Variants in FARP1 observed in about 807,000 individuals in gnomAD.
FARP1 encodes the protein FERM, ARHGEF and pleckstrin domain-containing protein 1.
A neutral mutation model predicts 128.8 loss-of-function variants in FARP1; 52 were observed. The ratio of observed to expected loss-of-function variants is 0.40; its 90% CI spans 0.32 to 0.51. The LOEUF (loss-of-function observed/expected upper bound fraction) is 0.51. Ranked by LOEUF, FARP1 falls within the 20% of genes least tolerant of loss-of-function variation. The probability of loss-of-function intolerance (pLI) is 0.45; values close to 1 mark genes in which losing one functional copy is unlikely to be tolerated. For synonymous variants in FARP1, 580 were observed against 551.8 expected, an observed-to-expected ratio of 1.05 and a Z score of -0.72; for missense variants, 1,333 against 1,367.9, an observed-to-expected ratio of 0.97 and a Z score of 0.40.
At chr13:98,164,852 G>A (rs760827450) in intron 1 of FARP1, among the ~76,000 whole-genome samples, 14 of 152,128 alleles carry the variant, frequency 9.2e-5, no homozygotes, top group Non-Finnish European at 1.8e-4. Flanking sequence ...GGCCGAGGCG[G>A]GTGGATCACT....
chr13:98,396,221 C>G lies in FARP1; in HGVS notation c.1414+745C>G, dbSNP rs183321940. On this transcript the variant is annotated intron_variant, in intron 13 of 26. Coordinates refer to ENST00000319562, the MANE Select transcript of FARP1 (RefSeq NM_005766.4). Reference sequence around the variant, plus strand: ...GGCACACCCCCCATGGGTGCAGCCTCTAAGGTCCCTGCTGTGCAGTCGGTG... The same window carrying G: ...GGCACACCCCCCATGGGTGCAGCCTGTAAGGTCCCTGCTGTGCAGTCGGTG... The G allele has an allele frequency of 3.9e-3, 1,540 of 399,142 alleles. 8 individuals are homozygous for G. Among genetic ancestry groups the G allele is most frequent in the Non-Finnish European group, 5.2e-3 (1,174 of 226,122 alleles). 24.7% of individuals were successfully genotyped at this position (399,142 alleles called of 1,614,324 possible). A position where few individuals can be genotyped will look rare whatever the true frequency, so the allele number is the denominator to read the frequency against.
In FARP1 at chr13:98,385,784, C is replaced by T. The variant is rs770432717; in HGVS notation, c.729C>T (p.Ala243=). The T allele has an allele frequency of 1.1e-5, 18 of 1,614,022 alleles. No individual in the cohort carries two copies. The highest frequency in any genetic ancestry group is 4.0e-5 in the African/African-American group (3 of 74,932). ...GGGAAGGCACGAAGATCAATCTGGC[C>T]GTTGCCAACACGGGAATTCTAGTGT... ...KDREGTKINL[A]VANTGILVFQ... is the part of the protein sequence containing the mutation. Residue 243 remains alanine (A), a synonymous_variant, in exon 8 of 27, where the codon GCC becomes GCT. Transcript: ENST00000319562.
rs539416996 is a variant in FARP1 at position 98,269,792 on chromosome 13, T to C, written c.171+56379T>C. Among the ~76,000 whole-genome samples the C allele has an allele frequency of 1.4e-4, 21 of 152,314 alleles. 1 individual carries two copies. In the South Asian group the frequency reaches 4.1e-3, roughly 30 times the overall value. The stretch of plus-strand genomic sequence containing the variant: ...GTGTCAGCGAAGATGTTGGTTCAGG[T>C]AAGAATAAAATTCAGTTGTTATTTA... On this transcript the variant is annotated intron_variant, in intron 2 of 26. Coordinates refer to ENST00000319562, the MANE Select transcript of FARP1 (RefSeq NM_005766.4).
chr13:98,401,375 TTAATA>T (rs1410180967), intron 13 of FARP1: 6 of 70,622 alleles, frequency 8.5e-5, no homozygotes, highest in African/African-American at 1.5e-4. Flanking sequence ...AGCGTGACAC[TTAATA>T]TAACAGTTTT....
chr13:98,217,329 G>T (rs1231181610), intron 2 of FARP1, among the ~76,000 whole-genome samples: 1 of 152,176 alleles, frequency 6.6e-6, no homozygotes, highest in Admixed American at 6.5e-5. Flanking sequence ...GACACCTAGT[G>T]CCTGTCGAAG....
chr13:98,197,780 A>G lies in FARP1; in HGVS notation c.-23-15440A>G, dbSNP rs554087721. Among the ~76,000 whole-genome samples the G allele has an allele frequency of 2.0e-5, 3 of 151,662 alleles. No individual in the cohort carries two copies. In the South Asian group the frequency reaches 6.3e-4, roughly 32 times the overall value. On this transcript the variant is annotated intron_variant, in intron 1 of 26. Coordinates refer to ENST00000319562, the MANE Select transcript of FARP1 (RefSeq NM_005766.4). ...CTCCCGAGTAGCTGGGTCTACAGGC[A>G]CCCGCCACCACGCCCGGCTAATTTT...
chr13:98,177,139 A>AGGCCTGCAGCCCCTTTCCGT, intron 1 of FARP1: 1 of 1,605,942 alleles, frequency 6.2e-7, no homozygotes, highest in Non-Finnish European at 8.5e-7. Flanking sequence ...GCGCTTTCTG[A>AGGCCTGCAGCCCCTTTCCGT]GGCCTGCAGC....
At chr13:98,437,007 G>A (rs535791793) in intron 19 of FARP1, among the ~76,000 whole-genome samples, 1 of 152,300 alleles carries the variant, frequency 6.6e-6, no homozygotes, top group African/African-American at 2.4e-5. Context: ...TACCAGTGCC[G>A]GGGTGGCGGG....
At chr13:98,430,288 A>G (rs1163391713) in intron 17 of FARP1, among the ~76,000 whole-genome samples, 5 of 152,322 alleles carry the variant, frequency 3.3e-5, no homozygotes, top group African/African-American at 1.2e-4. Flanking sequence ...TTACCAGCAC[A>G]TAGAGAGCAA....
At chr13:98,365,687 G>A (rs1218007649) in intron 4 of FARP1, among the ~76,000 whole-genome samples, 1 of 152,176 alleles carries the variant, frequency 6.6e-6, no homozygotes, top group Non-Finnish European at 1.5e-5. Flanking sequence ...ACTGAAGCCT[G>A]CTATTATCTT....
At chr13:98,372,084 T>TTTC (rs1566927658) in intron 5 of FARP1, among the ~76,000 whole-genome samples, 1 of 97,672 alleles carries the variant, frequency 1.0e-5, no homozygotes, top group Non-Finnish European at 2.2e-5. Flanking sequence ...AGTTTTTCTT[T>TTTC]TTTTTTTTTT....
intron 6 of FARP1, among the ~76,000 whole-genome samples, chr13:98,382,967 C>G (rs1232774850): frequency 6.6e-6 from 1 of 152,160 alleles, no homozygotes; most frequent in African/African-American, 2.4e-5. Context: ...TGGCCATGAG[C>G]TCAATGTGAA....
At chr13:98,378,010 G>T in intron 6 of FARP1, 92 bp downstream of exon 6, 1 of 974,990 alleles carries the variant, frequency 1.0e-6, no homozygotes. Flanking sequence ...AAAAAAGAAA[G>T]TGTCAATGTT....
intron 2 of FARP1, among the ~76,000 whole-genome samples, chr13:98,324,434 A>G (rs1887142934): frequency 6.6e-6 from 1 of 152,150 alleles, no homozygotes; most frequent in Non-Finnish European, 1.5e-5. Context: ...TTAATTCGTA[A>G]CTGTCTGCAA....
chr13:98,431,313 C>T, intron 18 of FARP1, 33 bp downstream of exon 18: 1 of 1,478,958 alleles, frequency 6.8e-7, no homozygotes, highest in East Asian at 2.4e-5. Context: ...ACCTGGTGCC[C>T]ATGCCACAGT....
At chr13:98,409,975 AAC>A (rs760881805) in intron 14 of FARP1, among the ~76,000 whole-genome samples, 2 of 152,234 alleles carry the variant, frequency 1.3e-5, no homozygotes, top group Non-Finnish European at 2.9e-5. Context: ...TGTGTGTATA[AAC>A]CACACTTTGT....
intron 1 of FARP1, among the ~76,000 whole-genome samples, chr13:98,195,571 T>C (rs1277567604): frequency 1.3e-5 from 2 of 152,200 alleles, no homozygotes; most frequent in Non-Finnish European, 2.9e-5. Flanking sequence ...CCTTTCTGAT[T>C]GCACAAGGAA....
Position 98,431,225 on chromosome 13 carries a change from G to A in FARP1, c.2088G>A (p.Leu696=), listed in dbSNP as rs1892005256. Residue 696 remains leucine (L), a synonymous_variant, in exon 18 of 27, where the codon CTG becomes CTA. Transcript: ENST00000319562. ...LHRLMHYKQV[L]ERLCKHHPPS... ...GGCTCATGCACTACAAGCAGGTCCT[G>A]GAGCGGCTGTGCAAACACCACCCGC... 5.0e-6 allele frequency: 8 copies of A among 1,594,500 alleles called. No individual in the cohort carries two copies. In the East Asian group the frequency reaches 1.6e-4, roughly 32 times the overall value.
chr13:98,379,228 CTATA>C (rs1889794796), intron 6 of FARP1, among the ~76,000 whole-genome samples: 2 of 109,456 alleles, frequency 1.8e-5, no homozygotes, highest in African/African-American at 7.8e-5. Flanking sequence ...TATAATCTAT[CTATA>C]TATAATCTAT....
Sources: allele counts gnomAD v4.1 joint callset (sites outside exome capture counted in the v4.1 genomes callset), GRCh38; gene constraint gnomAD v4.1.1; transcripts MANE v1.5; gene names NCBI Gene and HGNC (gene_info 2026-07-23, HGNC 2026-07-21).